Variants in IPCEF1 observed in about 807,000 individuals in gnomAD.
IPCEF1 encodes the protein interactor protein for cytohesin exchange factors 1.
A neutral mutation model predicts 50.9 loss-of-function variants in IPCEF1; 31 were observed. The ratio of observed to expected loss-of-function variants is 0.61; its 90% CI spans 0.46 to 0.82. IPCEF1 has a LOEUF of 0.82. IPCEF1 is among the 40% of genes least tolerant of loss of function. The probability of loss-of-function intolerance (pLI) is 0.00; values close to 1 mark genes in which losing one functional copy is unlikely to be tolerated. For synonymous variants in IPCEF1, 181 were observed against 192.0 expected (o/e 0.94, Z 0.47); for missense variants, 458 against 514.0 (o/e 0.89, Z 1.05).
chr6:154,309,768 G>GT (rs3045861), intron 1 of IPCEF1, among the ~76,000 whole-genome samples: 44,096 of 140,718 alleles, frequency 0.31, 7,182 homozygotes, highest in African/African-American at 0.45. Flanking sequence ...TTCTTTTCTT[G>GT]TTTTTTTTTT....
At chr6:154,209,357 C>T (rs920215826) in intron 9 of IPCEF1, among the ~76,000 whole-genome samples, 5 of 152,144 alleles carry the variant, frequency 3.3e-5, no homozygotes, top group Non-Finnish European at 4.4e-5. Context: ...TCACTCTCTG[C>T]ATAAAAGCTA....
At chr6:154,343,310 A>G (rs1218954292) in intron 1 of IPCEF1, among the ~76,000 whole-genome samples, 1 of 151,890 alleles carries the variant, frequency 6.6e-6, no homozygotes, top group Non-Finnish European at 1.5e-5. Flanking sequence ...TTCTAGGGCT[A>G]CAAAAGGGAA....
chr6:154,280,649 C>T (rs1158770994), intron 2 of IPCEF1, among the ~76,000 whole-genome samples: 2 of 152,120 alleles, frequency 1.3e-5, no homozygotes, highest in Admixed American at 1.3e-4. Context: ...GGGAAGTGTA[C>T]TTGGGTCATA....
intron 9 of IPCEF1, among the ~76,000 whole-genome samples, chr6:154,202,589 C>A (rs1777160132): frequency 6.6e-6 from 1 of 152,188 alleles, no homozygotes. Context: ...CTCCTGCTGA[C>A]TCTACTTTAA....
At chr6:154,232,196 C>T (rs1779775498) in intron 5 of IPCEF1, among the ~76,000 whole-genome samples, 1 of 152,188 alleles carries the variant, frequency 6.6e-6, no homozygotes, top group African/African-American at 2.4e-5. Flanking sequence ...ACACAATCTA[C>T]ATCCTGCAAC....
At chr6:154,256,689 C>G (rs1173974703) in intron 3 of IPCEF1, among the ~76,000 whole-genome samples, 1 of 152,090 alleles carries the variant, frequency 6.6e-6, no homozygotes. Context: ...TACTGCAAAA[C>G]TAGTTCTACA....
intron 7 of IPCEF1, among the ~76,000 whole-genome samples, chr6:154,219,824 A>G (rs917593558): frequency 6.6e-6 from 1 of 152,178 alleles, no homozygotes; most frequent in Non-Finnish European, 1.5e-5. Flanking sequence ...GGAAGACTCA[A>G]CTGTCCGTTC....
chr6:154,198,664 A>ACACACACACACAC (rs1554292213), intron 10 of IPCEF1, among the ~76,000 whole-genome samples: 2 of 150,156 alleles, frequency 1.3e-5, no homozygotes, highest in Admixed American at 6.6e-5. Flanking sequence ...ACACACACAC[A>ACACACACACACAC]ACTTGTTCTG....
In IPCEF1 at chr6:154,330,325, C is replaced by CTTTTT. The variant is rs138406253; in HGVS notation, c.-62+26342_-62+26346dup. Reference sequence around the variant, plus strand: ...AACGGGACTTCTACAATTATAGCCTCTTTTTTTTTTTTTTTTTTTTTTTTT... The same window carrying CTTTTT: ...AACGGGACTTCTACAATTATAGCCTCTTTTTTTTTTTTTTTTTTTTTTTTTTTTTT... On this transcript the variant is annotated intron_variant, in intron 1 of 11. Coordinates refer to ENST00000367220, the MANE Select transcript of IPCEF1 (RefSeq NM_001130700.2). Among the ~76,000 whole-genome samples the CTTTTT allele has an allele frequency of 6.8e-4, 61 of 89,262 alleles. 3 individuals carry two copies. Among genetic ancestry groups the CTTTTT allele is most frequent in the African/African-American group, 2.4e-3 (58 of 23,762 alleles). The allele number at this position is 89,262 out of a possible 152,430, so 58.6% of individuals were successfully genotyped here.
chr6:154,327,112 C>G (rs1489054701), intron 1 of IPCEF1, among the ~76,000 whole-genome samples: 1 of 152,130 alleles, frequency 6.6e-6, no homozygotes, highest in Non-Finnish European at 1.5e-5. Flanking sequence ...CATAAAAACC[C>G]TAGAAGAAAA....
At chr6:154,187,363 T>C (rs1286161901) in intron 10 of IPCEF1, among the ~76,000 whole-genome samples, 3 of 152,172 alleles carry the variant, frequency 2.0e-5, no homozygotes, top group African/African-American at 7.2e-5. Flanking sequence ...TCCCTACCAG[T>C]CTCTCCCCTC....
intron 3 of IPCEF1, among the ~76,000 whole-genome samples, chr6:154,257,575 T>C (rs564488981): frequency 1.1e-4 from 16 of 152,336 alleles, no homozygotes; most frequent in Non-Finnish European, 2.4e-4. Context: ...CGGAAATCAG[T>C]TAATTCATTT....
At chr6:154,321,146 G>GT (rs543183994) in intron 1 of IPCEF1, among the ~76,000 whole-genome samples, 211 of 152,134 alleles carry the variant, frequency 1.4e-3, no homozygotes, top group Non-Finnish European at 2.6e-3. Flanking sequence ...GCCCAGGCTA[G>GT]TTTCGAACTT....
Position 154,199,832 on chromosome 6 carries a change from A to G in IPCEF1, c.746T>C (p.Val249Ala), listed in dbSNP as rs1276311719. Reference protein sequence around the residue: ...ITFAVQVHSPVPSEAGIHKAL... With the variant: ...ITFAVQVHSPAPSEAGIHKAL... The stretch of plus-strand genomic sequence containing the variant: ...CTTGTGGATGCCTGCCTCTGAGGGT[A>G]CAGGTGAATGAACTTGCACAGCAAA... The change falls in exon 10 of 12, where the codon GTA (valine) becomes GCA (alanine). Residue 249 changes from valine to alanine, a missense_variant. Transcript: ENST00000367220. The G allele has an allele frequency of 6.2e-7, 1 of 1,614,230 alleles. No homozygotes were observed. Among genetic ancestry groups the G allele is most frequent in the Non-Finnish European group, 8.5e-7 (1 of 1,180,028 alleles).
At chr6:154,276,562 G>A (rs768037655) in intron 2 of IPCEF1, among the ~76,000 whole-genome samples, 12 of 152,144 alleles carry the variant, frequency 7.9e-5, no homozygotes, top group South Asian at 2.1e-4. Flanking sequence ...ACTTTAACAC[G>A]TGAAAAAACG....
intron 5 of IPCEF1, among the ~76,000 whole-genome samples, chr6:154,227,716 C>CA (rs899070819): frequency 3.3e-4 from 49 of 150,248 alleles, no homozygotes; most frequent in African/African-American, 3.9e-4. Flanking sequence ...AAATGTGTCT[C>CA]AAAAAAAAAT....
intron 1 of IPCEF1, among the ~76,000 whole-genome samples, chr6:154,301,861 A>G (rs1782805089): frequency 6.6e-6 from 1 of 152,240 alleles, no homozygotes; most frequent in South Asian, 2.1e-4. Flanking sequence ...AAAAGGTTAA[A>G]AAAATTATAC....
At chr6:154,272,087 C>T (rs766097482) in intron 2 of IPCEF1, among the ~76,000 whole-genome samples, 1 of 152,200 alleles carries the variant, frequency 6.6e-6, no homozygotes, top group Non-Finnish European at 1.5e-5. Flanking sequence ...CTTATGGAAA[C>T]TGCTTAATGC....
At chr6:154,183,816 G>A (rs1384921886) in intron 10 of IPCEF1, among the ~76,000 whole-genome samples, 2 of 152,028 alleles carry the variant, frequency 1.3e-5, no homozygotes, top group Non-Finnish European at 2.9e-5. Flanking sequence ...CTTGAACCCA[G>A]GAGGCAGAGG....
Sources: gnomAD v4.1 joint callset for allele counts (sites outside exome capture counted in the v4.1 genomes callset) on GRCh38, gnomAD v4.1.1 for gene constraint, MANE v1.5 for transcripts, NCBI Gene and HGNC (gene_info 2026-07-23, HGNC 2026-07-21) for gene names.